MAGI2: variants seen among roughly 807,000 people sequenced by gnomAD.
The protein encoded by MAGI2 is membrane-associated guanylate kinase, WW and PDZ domain-containing protein 2.
In MAGI2, 35 loss-of-function variants were observed where a neutral mutation model predicts 133.3. That is an observed-to-expected ratio of 0.26 (90% confidence interval 0.20 to 0.35). The LOEUF is 0.35. Among genes scored for constraint, MAGI2 ranks in the 10% least tolerant of loss-of-function variants. The pLI is 1.00. For missense variants in MAGI2, 1,636 were observed against 1,863.4 expected, an observed-to-expected ratio of 0.88 and a Z score of 2.25; for synonymous variants, 729 against 710.6, an observed-to-expected ratio of 1.03 and a Z score of -0.41.
chr7:78,239,571 A>G (rs1350682836), intron 10 of MAGI2, among the ~76,000 whole-genome samples: 1 of 152,256 alleles, frequency 6.6e-6, no homozygotes, highest in Non-Finnish European at 1.5e-5. Flanking sequence ...GCAAGAAAAA[A>G]ATAACCTGAT....
At chr7:78,119,090 T>C (rs1820160316) in intron 20 of MAGI2, among the ~76,000 whole-genome samples, 1 of 152,142 alleles carries the variant, frequency 6.6e-6, no homozygotes, top group African/African-American at 2.4e-5. Context: ...TCCAACTATA[T>C]GACATGGTGG....
chr7:79,406,041 T>C (rs1386085230), intron 1 of MAGI2, among the ~76,000 whole-genome samples: 1 of 151,898 alleles, frequency 6.6e-6, no homozygotes, highest in African/African-American at 2.4e-5. Context: ...CATTTGACTC[T>C]ATAGAATACT....
rs1002835724 is a variant in MAGI2, at chr7:78,046,072, C to T, written c.3707-26096G>A. 2.0e-5 allele frequency among the ~76,000 whole-genome samples: 3 copies of T among 151,768 alleles called. No individual in the cohort carries two copies. The East Asian group carries it at 5.8e-4, about 29-fold the overall frequency. On this transcript the variant is annotated intron_variant, in intron 21 of 21. Coordinates refer to ENST00000354212, the MANE Select transcript of MAGI2 (RefSeq NM_012301.4). ...GAACTTAATACCAAGGGAAGGAATC[C>T]CGCTTTCTCTGGGGCCTAAAAGGAC...
chr7:79,431,598 T>C (rs1427802901), intron 1 of MAGI2, among the ~76,000 whole-genome samples: 3 of 152,192 alleles, frequency 2.0e-5, no homozygotes, highest in East Asian at 3.8e-4. Flanking sequence ...ATATTATAAT[T>C]CTTCTAAATG....
chr7:78,985,329 A>G (rs1275182025), intron 2 of MAGI2, among the ~76,000 whole-genome samples: 1 of 152,118 alleles, frequency 6.6e-6, no homozygotes, highest in Non-Finnish European at 1.5e-5. Context: ...TTCATCAACT[A>G]GAAGTATCAA....
chr7:78,249,761 G>A (rs564930532), intron 10 of MAGI2, among the ~76,000 whole-genome samples: 88 of 152,074 alleles, frequency 5.8e-4, no homozygotes, highest in Admixed American at 9.8e-4. Flanking sequence ...GTTACTGTTA[G>A]GAGAAAATAG....
At chr7:79,370,654 T>TTC (rs1236152791) in intron 1 of MAGI2, among the ~76,000 whole-genome samples, 1 of 151,886 alleles carries the variant, frequency 6.6e-6, no homozygotes, top group African/African-American at 2.4e-5. Context: ...TTCTTTTTTT[T>TTC]TTATGAACTA....
Position 78,027,642 on chromosome 7 carries a change from AAG to A in MAGI2, c.3707-7668_3707-7667del, listed in dbSNP as rs1384692987. On this transcript the variant is annotated intron_variant, in intron 21 of 21. Coordinates refer to ENST00000354212, the MANE Select transcript of MAGI2 (RefSeq NM_012301.4). ...GACTCCATCTCAAAAAAAAAAAAAA[AAG>A]AAAGAAAAAGAAAAAGAAATATGAC... 9.0e-3 allele frequency among the ~76,000 whole-genome samples: 972 copies of A among 107,946 alleles called. 8 individuals are homozygous for A. Among genetic ancestry groups the A allele is most frequent in the East Asian group, 0.059 (75 of 1,276 alleles). 70.8% of individuals were successfully genotyped at this position (107,946 alleles called of 152,430 possible). A position where few individuals can be genotyped will look rare whatever the true frequency, so the allele number is the denominator to read the frequency against.
intron 6 of MAGI2, among the ~76,000 whole-genome samples, chr7:78,470,278 T>C (rs1235238938): frequency 2.6e-5 from 4 of 152,130 alleles, no homozygotes; most frequent in Non-Finnish European, 5.9e-5. Context: ...TTCTGACCAC[T>C]GTGGAATCTG....
chr7:78,640,108 G>T (rs959146233), intron 2 of MAGI2, among the ~76,000 whole-genome samples: 1 of 152,096 alleles, frequency 6.6e-6, no homozygotes, highest in Non-Finnish European at 1.5e-5. Flanking sequence ...CTATTCAATT[G>T]TCATAATCCC....
intron 21 of MAGI2, among the ~76,000 whole-genome samples, chr7:78,061,443 C>CACAT (rs1813259343): frequency 7.2e-6 from 1 of 139,450 alleles, no homozygotes; most frequent in South Asian, 2.3e-4. Context: ...CACACACACA[C>CACAT]ACACACACAC....
rs142801630 is a variant in MAGI2 at position 79,421,938 on chromosome 7, T to A, written c.301+31082A>T. Among the ~76,000 whole-genome samples the A allele has an allele frequency of 5.4e-3, 826 of 152,146 alleles. 6 individuals are homozygous for A. Among genetic ancestry groups the A allele is most frequent in the African/African-American group, 0.019 (796 of 41,558 alleles). On this transcript the variant is annotated intron_variant, in intron 1 of 21. Coordinates refer to ENST00000354212, the MANE Select transcript of MAGI2 (RefSeq NM_012301.4). The stretch of plus-strand genomic sequence containing the variant: ...TTGTATTTCTTTTTATCTGAACTCA[T>A]GCAGCTTTCACTGAGATTCAAACAA...
chr7:79,004,993 A>G (rs565080230), intron 2 of MAGI2, among the ~76,000 whole-genome samples: 192 of 152,036 alleles, frequency 1.3e-3, no homozygotes, highest in African/African-American at 4.5e-3. Context: ...GGGGCAGGAG[A>G]ATTGCTTGAA....
chr7:78,463,551 C>G (rs183708282), intron 6 of MAGI2, among the ~76,000 whole-genome samples: 1 of 152,290 alleles, frequency 6.6e-6, no homozygotes, highest in Admixed American at 6.5e-5. Context: ...TTGTACAGCC[C>G]TCATAGCAAT....
At chr7:78,900,295 A>G (rs1797522695) in intron 2 of MAGI2, among the ~76,000 whole-genome samples, 2 of 152,126 alleles carry the variant, frequency 1.3e-5, no homozygotes, top group Admixed American at 6.5e-5. Flanking sequence ...CACACAATTT[A>G]TCTTCTTATT....
intron 16 of MAGI2, among the ~76,000 whole-genome samples, chr7:78,142,007 C>T (rs967672361): frequency 6.6e-6 from 1 of 152,066 alleles, no homozygotes; most frequent in Non-Finnish European, 1.5e-5. Flanking sequence ...AGAAATCTCA[C>T]GACATTAGGA....
At chr7:78,194,606 C>T (rs1021783684) in intron 12 of MAGI2, among the ~76,000 whole-genome samples, 3 of 151,908 alleles carry the variant, frequency 2.0e-5, no homozygotes, top group African/African-American at 7.3e-5. Context: ...GCAACCTCAC[C>T]CCCCAACCCC....
At chr7:78,477,140 C>T (rs1419012266) in intron 6 of MAGI2, among the ~76,000 whole-genome samples, 1 of 151,744 alleles carries the variant, frequency 6.6e-6, no homozygotes. Context: ...CAGATCAGTG[C>T]TTCACCTTTC....
At chr7:78,117,376 T>G (rs890999136) in intron 20 of MAGI2, among the ~76,000 whole-genome samples, 1 of 151,884 alleles carries the variant, frequency 6.6e-6, no homozygotes, top group African/African-American at 2.4e-5. Context: ...AATTGAACCA[T>G]AAAAATCCTT....
Sources: gnomAD v4.1 joint callset for allele counts (sites outside exome capture counted in the v4.1 genomes callset) on GRCh38, gnomAD v4.1.1 for gene constraint, MANE v1.5 for transcripts, NCBI Gene and HGNC (gene_info 2026-07-23, HGNC 2026-07-21) for gene names.